Variants in GRB14 observed in about 807,000 individuals in gnomAD.
GRB14 encodes the protein growth factor receptor-bound protein 14.
Under a neutral mutation model 69.1 loss-of-function variants are expected in GRB14, and 38 were observed. That is an observed-to-expected ratio of 0.55 (90% CI 0.42 to 0.72). The LOEUF is 0.72. Ranked by LOEUF, GRB14 falls within the 30% of genes least tolerant of loss-of-function variation. The pLI, the probability that GRB14 is intolerant of heterozygous loss-of-function variation, is 0.00. For missense variants in GRB14, 666 were observed against 666.1 expected, an observed-to-expected ratio of 1.00 and a Z score of 0.00; for synonymous variants, 247 against 241.3, an observed-to-expected ratio of 1.02 and a Z score of -0.22.
intron 3 of GRB14, among the ~76,000 whole-genome samples, chr2:164,528,398 T>G (rs1250519483): frequency 2.6e-5 from 4 of 152,134 alleles, no homozygotes; most frequent in Non-Finnish European, 5.9e-5. Flanking sequence ...GGAAACTCTC[T>G]GCTGTTTTAC....
intron 2 of GRB14, among the ~76,000 whole-genome samples, chr2:164,582,384 A>G (rs1689429064): frequency 6.6e-6 from 1 of 150,466 alleles, no homozygotes; most frequent in African/African-American, 2.4e-5. Flanking sequence ...TCCCAAATCA[A>G]TCCATTTATT....
At chr2:164,545,680 C>G (rs1023360755) in intron 3 of GRB14, among the ~76,000 whole-genome samples, 1 of 152,140 alleles carries the variant, frequency 6.6e-6, no homozygotes, top group Non-Finnish European at 1.5e-5. Context: ...ACAGCAACCA[C>G]AGGAAACTAA....
At chr2:164,493,906 A>T (rs1023200824) in intron 13 of GRB14, among the ~76,000 whole-genome samples, 3 of 152,152 alleles carry the variant, frequency 2.0e-5, no homozygotes, top group African/African-American at 7.2e-5. Context: ...ACAGACACAC[A>T]GCAGAAGAGG....
At chr2:164,573,206 T>C (rs1052367874) in intron 2 of GRB14, among the ~76,000 whole-genome samples, 1 of 152,214 alleles carries the variant, frequency 6.6e-6, no homozygotes, top group Non-Finnish European at 1.5e-5. Context: ...TCCTTAAGGT[T>C]AGGACTGAGT....
rs536921206 is a variant in GRB14, at chr2:164,547,916, G to GAT, written c.325-102_325-101dup. 5.2e-4 allele frequency: 351 copies of GAT among 673,482 alleles called. 2 individuals carry two copies. Among genetic ancestry groups the GAT allele is most frequent in the Non-Finnish European group, 7.3e-4 (322 of 439,440 alleles). 41.7% of individuals were successfully genotyped at this position (673,482 alleles called of 1,614,324 possible). On this transcript the variant is annotated intron_variant, in intron 2 of 13. Transcript: ENST00000263915. Reference sequence around the variant, plus strand: ...TAAAGTATACAACACGATATTATGAGATATATATAAATAAATAGCAAAATG... The same window carrying GAT: ...TAAAGTATACAACACGATATTATGAGATATATATATAAATAAATAGCAAAATG...
intron 3 of GRB14, among the ~76,000 whole-genome samples, chr2:164,545,142 C>A (rs1485936054): frequency 1.3e-5 from 2 of 152,114 alleles, no homozygotes; most frequent in Non-Finnish European, 2.9e-5. Context: ...TTTCACAAGT[C>A]TGAACAAATT....
intron 2 of GRB14, among the ~76,000 whole-genome samples, 153 bp from the exon 3 acceptor site, chr2:164,547,969 C>A (rs1379979465): frequency 6.6e-6 from 1 of 152,064 alleles, no homozygotes; most frequent in Non-Finnish European, 1.5e-5. Flanking sequence ...ATTAACATGT[C>A]TATCACCTCA....
At chr2:164,600,063 C>T (rs986449984) in intron 2 of GRB14, among the ~76,000 whole-genome samples, 1 of 152,092 alleles carries the variant, frequency 6.6e-6, no homozygotes, top group African/African-American at 2.4e-5. Context: ...GATAATGCAA[C>T]CTAGAATAAT....
chr2:164,562,863 A>T (rs896000587), intron 2 of GRB14, among the ~76,000 whole-genome samples: 1 of 152,192 alleles, frequency 6.6e-6, no homozygotes, highest in African/African-American at 2.4e-5. Flanking sequence ...CATACATATA[A>T]TCTGCTACAA....
At chr2:164,594,451 G>A (rs2105347948) in intron 2 of GRB14, among the ~76,000 whole-genome samples, 1 of 152,334 alleles carries the variant, frequency 6.6e-6, no homozygotes, top group Admixed American at 6.5e-5. Context: ...AACATGTAAA[G>A]TGTCTGTTGA....
intron 3 of GRB14, among the ~76,000 whole-genome samples, chr2:164,533,481 A>G (rs1344120056): frequency 1.3e-5 from 2 of 151,870 alleles, no homozygotes; most frequent in Non-Finnish European, 2.9e-5. Flanking sequence ...CGGCCTCCCA[A>G]AGTGCTGGGA....
chr2:164,566,396 T>C (rs1688975058), intron 2 of GRB14, among the ~76,000 whole-genome samples: 1 of 152,124 alleles, frequency 6.6e-6, no homozygotes. Flanking sequence ...TGCTAAATTA[T>C]ATAAACACCA....
intron 2 of GRB14, among the ~76,000 whole-genome samples, chr2:164,571,730 G>A (rs567267724): frequency 3.3e-5 from 5 of 152,262 alleles, no homozygotes; most frequent in African/African-American, 9.6e-5. Flanking sequence ...CAGAAGAGCA[G>A]GCAGCTAAGA....
intron 2 of GRB14, among the ~76,000 whole-genome samples, chr2:164,606,190 C>T (rs565137712): frequency 6.6e-6 from 1 of 152,250 alleles, no homozygotes; most frequent in East Asian, 1.9e-4. Flanking sequence ...CCCACACATC[C>T]CATATGCATA....
intron 2 of GRB14, among the ~76,000 whole-genome samples, chr2:164,611,633 G>T (rs879899878): frequency 2.1e-4 from 31 of 150,626 alleles, no homozygotes; most frequent in Admixed American, 1.9e-3. Context: ...TTAGATGCTT[G>T]GTCCTGTACT....
At chr2:164,494,772 T>C (rs1686848606) in intron 12 of GRB14, among the ~76,000 whole-genome samples, 1 of 152,178 alleles carries the variant, frequency 6.6e-6, no homozygotes, top group Non-Finnish European at 1.5e-5. Context: ...GATTGTTTGT[T>C]TGATCACAAT....
rs13394742 is a variant in GRB14 at position 164,508,958 on chromosome 2, G to A, written c.817-106C>T. 3.7e-3 allele frequency: 2,101 copies of A among 565,328 alleles called. 28 individuals carry two copies. Among genetic ancestry groups the A allele is most frequent in the African/African-American group, 0.037 (1,876 of 51,196 alleles). The allele number at this position is 565,328 out of a possible 1,614,324, so 35.0% of individuals were successfully genotyped here. The stretch of plus-strand genomic sequence containing the variant: ...GGGCAAAAACTTATGACCAACAGAA[G>A]TTCAATATGATGCCACAAAAATAAA... On this transcript the variant is annotated intron_variant, in intron 6 of 13. Transcript: ENST00000263915.
chr2:164,588,208 T>G (rs1559063386), intron 2 of GRB14, among the ~76,000 whole-genome samples: 1 of 152,202 alleles, frequency 6.6e-6, no homozygotes, highest in African/African-American at 2.4e-5. Context: ...ATTATTTAAA[T>G]GATTCATTTG....
At chr2:164,594,843 A>G (rs11885631) in intron 2 of GRB14, among the ~76,000 whole-genome samples, 30,485 of 152,190 alleles carry the variant, frequency 0.2, 3,700 homozygotes, top group African/African-American at 0.34. Flanking sequence ...ACAGCATTTC[A>G]AGAAGAGGCA....
Sources: gnomAD v4.1 joint callset for allele counts (sites outside exome capture counted in the v4.1 genomes callset) on GRCh38, gnomAD v4.1.1 for gene constraint, MANE v1.5 for transcripts, NCBI Gene and HGNC (gene_info 2026-07-23, HGNC 2026-07-21) for gene names.